The following USP34 variants were observed in gnomAD, a reference collection of about 807,000 sequenced individuals.
USP34 encodes the protein ubiquitin specific peptidase 34.
USP34 carries 70 observed loss-of-function variants against 460.3 expected under a neutral mutation model. That is an observed-to-expected ratio of 0.15 (90% CI 0.13 to 0.19). The LOEUF (loss-of-function observed/expected upper bound fraction) is 0.19, where lower values mean the gene tolerates loss of function less well. Ranked by LOEUF, USP34 falls within the 10% of genes least tolerant of loss-of-function variation. The pLI is 1.00. For missense variants in USP34, 3,985 were observed against 4,236.2 expected, an observed-to-expected ratio of 0.94 and a Z score of 1.65; for synonymous variants, 1,647 against 1,405.3, an observed-to-expected ratio of 1.17 and a Z score of -3.85.
intron 8 of USP34, among the ~76,000 whole-genome samples, chr2:61,376,665 T>C (rs1421433286): frequency 6.6e-6 from 1 of 152,216 alleles, no homozygotes; most frequent in East Asian, 1.9e-4. Context: ...GGTTTTTTTC[T>C]GAGACATACT....
intron 15 of USP34, among the ~76,000 whole-genome samples, chr2:61,344,863 T>C (rs1431869791): frequency 6.6e-6 from 1 of 152,190 alleles, no homozygotes; most frequent in Non-Finnish European, 1.5e-5. Flanking sequence ...TATTTTTGGT[T>C]GTCAAAACTG....
At chr2:61,302,712 C>A (rs1690266929) in intron 27 of USP34, among the ~76,000 whole-genome samples, 1 of 152,174 alleles carries the variant, frequency 6.6e-6, no homozygotes, top group East Asian at 1.9e-4. Context: ...AATTCCCATA[C>A]CAAAATCAAA....
intron 2 of USP34, among the ~76,000 whole-genome samples, 159 bp from the exon 3 acceptor site, chr2:61,406,287 G>T (rs540670731): frequency 1.3e-5 from 2 of 151,714 alleles, no homozygotes; most frequent in Non-Finnish European, 2.9e-5. Flanking sequence ...AGATAGCATC[G>T]CAACAACAAC....
chr2:61,192,428 G>A (rs1404867973), intron 76 of USP34, among the ~76,000 whole-genome samples: 2 of 152,182 alleles, frequency 1.3e-5, no homozygotes, highest in African/African-American at 4.8e-5. Flanking sequence ...CTGTTTTCAA[G>A]GAGATCGCTG....
chr2:61,265,560 G>A lies in USP34; in HGVS notation c.5618-3C>T. Reference sequence around the variant, plus strand: ...ATCCCATTTATAAGGTGCATGGGCTGCTGAAGAAAGAGGGAGGAAAAGATC... The same window carrying A: ...ATCCCATTTATAAGGTGCATGGGCTACTGAAGAAAGAGGGAGGAAAAGATC... On this transcript the variant is annotated splice_polypyrimidine_tract_variant and splice_region_variant and intron_variant, in intron 42 of 79. Coordinates refer to ENST00000398571, the MANE Select transcript of USP34 (RefSeq NM_014709.4). The A allele has an allele frequency of 6.3e-7, 1 of 1,580,022 alleles. No individual in the cohort carries two copies. Among genetic ancestry groups the A allele is most frequent in the Non-Finnish European group, 8.6e-7 (1 of 1,159,956 alleles).
chr2:61,358,584 A>T (rs1692178092), intron 10 of USP34, among the ~76,000 whole-genome samples: 1 of 152,242 alleles, frequency 6.6e-6, no homozygotes, highest in African/African-American at 2.4e-5. Flanking sequence ...GCCCATATTT[A>T]CCACTGCTAC....
chr2:61,232,189 T>A (rs1017102021), intron 58 of USP34, among the ~76,000 whole-genome samples: 13 of 152,100 alleles, frequency 8.5e-5, no homozygotes, highest in Admixed American at 1.3e-4. Context: ...AAGAGCAGGA[T>A]CTAATAATAA....
chr2:61,274,666 C>G (rs76553916), intron 41 of USP34, among the ~76,000 whole-genome samples: 1 of 152,242 alleles, frequency 6.6e-6, no homozygotes, highest in East Asian at 1.9e-4. Flanking sequence ...TCTCTTTGCA[C>G]CTATCAGACT....
intron 3 of USP34, 50 bp downstream of exon 3, chr2:61,405,658 G>C: frequency 1.4e-6 from 2 of 1,449,496 alleles, no homozygotes; most frequent in Non-Finnish European, 1.8e-6. Flanking sequence ...AACAGACTGC[G>C]AAGTTAAGAC....
intron 5 of USP34, among the ~76,000 whole-genome samples, chr2:61,392,517 G>C (rs946247831): frequency 6.6e-6 from 1 of 152,054 alleles, no homozygotes; most frequent in South Asian, 2.1e-4. Context: ...CCAGCTACTA[G>C]GGAGGCTGAG....
At position 61,257,097 on chromosome 2, in the gene USP34, G is replaced by A; in HGVS notation, c.6003C>T (p.Val2001=). Residue 2001 remains valine, a synonymous_variant, in exon 46 of 80, where the codon GTC becomes GTT. Coordinates refer to ENST00000398571, the MANE Select transcript of USP34 (RefSeq NM_014709.4). ...TAATTACACCTCCAAATAAACTTTT[G>A]ACGGTATTTTTCTTTAATATAAAAC... ...EEMSPELKNT[V]KSLFGGVITN... is the part of the protein sequence containing the mutation. The A allele has an allele frequency of 1.9e-6, 3 of 1,581,792 alleles. No individual in the cohort carries two copies. Among genetic ancestry groups the A allele is most frequent in the Non-Finnish European group, 1.7e-6 (2 of 1,167,082 alleles).
rs544306780 is a variant in USP34, at chr2:61,191,295, G to A, written c.9589-637C>T. The A allele has an allele frequency of 5.7e-4, 86 of 152,202 alleles. 1 individual carries two copies. The highest frequency in any genetic ancestry group is 2.0e-3 in the African/African-American group (84 of 41,436). 9.4% of individuals were successfully genotyped at this position (152,202 alleles called of 1,614,324 possible). A position where few individuals can be genotyped will look rare whatever the true frequency, so the allele number is the denominator to read the frequency against. On this transcript the variant is annotated intron_variant, in intron 76 of 79. Coordinates refer to ENST00000398571, the MANE Select transcript of USP34 (RefSeq NM_014709.4). ...CATGGCTCTTAAACACAAGTAGTAT[G>A]TCTTTAAGCAGATACACTCCATAGA...
intron 2 of USP34, among the ~76,000 whole-genome samples, chr2:61,410,611 G>A (rs557003928): frequency 3.3e-5 from 5 of 152,160 alleles, no homozygotes; most frequent in African/African-American, 1.2e-4. Flanking sequence ...AAACCAGCTT[G>A]AATTTTTTTT....
At chr2:61,239,185 A>G (rs1302156320) in intron 53 of USP34, among the ~76,000 whole-genome samples, 2 of 151,926 alleles carry the variant, frequency 1.3e-5, no homozygotes, top group African/African-American at 4.8e-5. Context: ...AATTAGGCCA[A>G]TTAACAACCC....
intron 65 of USP34, among the ~76,000 whole-genome samples, chr2:61,222,408 A>G (rs1687613471): frequency 6.6e-6 from 1 of 152,238 alleles, no homozygotes; most frequent in South Asian, 2.1e-4. Flanking sequence ...CAATGAGTCT[A>G]TACACATATT....
At chr2:61,324,616 T>G (rs1399383589) in intron 21 of USP34, among the ~76,000 whole-genome samples, 1 of 151,836 alleles carries the variant, frequency 6.6e-6, no homozygotes, top group Non-Finnish European at 1.5e-5. Context: ...CTATGAAAAT[T>G]TTAAAAAAAT....
At chr2:61,355,189 G>A (rs528173073) in intron 10 of USP34, among the ~76,000 whole-genome samples, 3 of 152,254 alleles carry the variant, frequency 2.0e-5, no homozygotes, top group East Asian at 1.9e-4. Context: ...TTTGGTCTTT[G>A]AGTAGGGTAC....
chr2:61,222,917 A>C, intron 64 of USP34, 143 bp downstream of exon 64: 1 of 781,846 alleles, frequency 1.3e-6, no homozygotes, highest in East Asian at 2.7e-5. Flanking sequence ...GGCTGGTCTC[A>C]AACTCCTAGG....
chr2:61,305,561 T>C (rs181782352), intron 27 of USP34, among the ~76,000 whole-genome samples: 13 of 151,934 alleles, frequency 8.6e-5, no homozygotes, highest in Admixed American at 6.5e-4. Context: ...ACCAATAGCA[T>C]AGAAACATTA....
Sources: allele counts gnomAD v4.1 joint callset (sites outside exome capture counted in the v4.1 genomes callset), GRCh38; gene constraint gnomAD v4.1.1; transcripts MANE v1.5; gene names NCBI Gene and HGNC (gene_info 2026-07-23, HGNC 2026-07-21).